The following LINGO2 variants were observed in gnomAD, a reference collection of about 807,000 sequenced individuals.
LINGO2 encodes the protein leucine rich repeat and Ig domain containing 2.
Under a neutral mutation model 30.6 loss-of-function variants are expected in LINGO2, and 14 were observed. The ratio of observed to expected loss-of-function variants is 0.46; its 90% CI spans 0.30 to 0.72. The LOEUF is 0.72. LINGO2 is among the 30% of genes least tolerant of loss of function. The pLI, the probability that LINGO2 is intolerant of heterozygous loss-of-function variation, is 0.07. For synonymous variants in LINGO2, 317 were observed against 288.5 expected, an observed-to-expected ratio of 1.10 and a Z score of -1.00; for missense variants, 729 against 751.7, an observed-to-expected ratio of 0.97 and a Z score of 0.35.
the LINGO2 span, among the ~76,000 whole-genome samples, chr9:28,699,336 A>G: frequency 6.6e-6 from 1 of 152,012 alleles, no homozygotes. Flanking sequence ...GCGGCAGAGG[A>G]ACATAAATTG....
downstream of LINGO2, among the ~76,000 whole-genome samples, chr9:27,945,892 A>G (rs1823346248): frequency 6.6e-6 from 1 of 152,280 alleles, no homozygotes; most frequent in Admixed American, 6.5e-5. Context: ...TGCTTCAGGC[A>G]AAAAGTAGCC....
chr9:28,049,161 T>C (rs144611725), intron 4 of LINGO2, among the ~76,000 whole-genome samples: 1 of 150,992 alleles, frequency 6.6e-6, no homozygotes, highest in East Asian at 2.0e-4. Flanking sequence ...CAATGCATCA[T>C]GGGACAACAT....
the LINGO2 span, among the ~76,000 whole-genome samples, chr9:28,908,023 C>T: frequency 6.6e-6 from 1 of 151,754 alleles, no homozygotes; most frequent in African/African-American, 2.4e-5. Context: ...CTCAGCATTA[C>T]TTAGTACTAA....
At chr9:29,154,693 C>T in the LINGO2 span, among the ~76,000 whole-genome samples, 1 of 152,120 alleles carries the variant, frequency 6.6e-6, no homozygotes, top group Non-Finnish European at 1.5e-5. Context: ...AATATACATG[C>T]ATTTTGTGCT....
intron 1 of LINGO2, among the ~76,000 whole-genome samples, chr9:28,575,142 G>A (rs752524032): frequency 5.3e-5 from 8 of 152,048 alleles, no homozygotes; most frequent in East Asian, 1.9e-4. Context: ...GGTGGCTCAC[G>A]CCTGTAATCC....
At chr9:28,261,228 T>C (rs1822554134) in intron 4 of LINGO2, among the ~76,000 whole-genome samples, 1 of 151,960 alleles carries the variant, frequency 6.6e-6, no homozygotes, top group Non-Finnish European at 1.5e-5. Context: ...GTCCTCTATA[T>C]TATGTAAAGA....
chr9:28,366,983 C>T (rs1039398137), intron 3 of LINGO2, among the ~76,000 whole-genome samples: 12 of 152,006 alleles, frequency 7.9e-5, no homozygotes, highest in African/African-American at 9.7e-5. Context: ...CTTCCTCCTC[C>T]TCCTTTTTAT....
the LINGO2 span, among the ~76,000 whole-genome samples, chr9:29,057,862 C>A: frequency 6.6e-6 from 1 of 152,180 alleles, no homozygotes; most frequent in African/African-American, 2.4e-5. Context: ...AAATCCAGGG[C>A]ATTCGGTAGA....
chr9:28,604,418 C>T (rs970254581), intron 1 of LINGO2, among the ~76,000 whole-genome samples: 5 of 151,920 alleles, frequency 3.3e-5, no homozygotes, highest in Admixed American at 6.6e-5. Context: ...TTTAGAAAGA[C>T]GAGTCTACTG....
chr9:27,967,811 A>G (rs1156817113), intron 5 of LINGO2, among the ~76,000 whole-genome samples: 3 of 152,196 alleles, frequency 2.0e-5, no homozygotes, highest in Non-Finnish European at 4.4e-5. Context: ...AGCTGCATCT[A>G]AAATTCCCAT....
chr9:28,465,975 G>T (rs1031333242), intron 2 of LINGO2, among the ~76,000 whole-genome samples: 1 of 152,050 alleles, frequency 6.6e-6, no homozygotes, highest in Non-Finnish European at 1.5e-5. Flanking sequence ...TGCTGATGAG[G>T]ATATGCAGAA....
chr9:29,145,268 A>C, the LINGO2 span, among the ~76,000 whole-genome samples: 1 of 152,176 alleles, frequency 6.6e-6, no homozygotes, highest in Non-Finnish European at 1.5e-5. Flanking sequence ...CCAGGTGTAG[A>C]GATGGAAGTC....
chr9:28,780,464 G>T, the LINGO2 span, among the ~76,000 whole-genome samples: 2 of 152,046 alleles, frequency 1.3e-5, no homozygotes, highest in Non-Finnish European at 2.9e-5. Flanking sequence ...TTAGCACTAT[G>T]TGGCTACTCC....
the LINGO2 span, among the ~76,000 whole-genome samples, chr9:29,058,532 T>C: frequency 6.6e-6 from 1 of 151,874 alleles, no homozygotes; most frequent in Admixed American, 6.6e-5. Context: ...GTGAGGTGGT[T>C]AGAAAAATAT....
chr9:28,055,668 T>C (rs934993031), intron 4 of LINGO2, among the ~76,000 whole-genome samples: 1 of 152,172 alleles, frequency 6.6e-6, no homozygotes, highest in African/African-American at 2.4e-5. Flanking sequence ...TTTGCTAGAT[T>C]GTCAAAAAAC....
At chr9:28,460,883 C>T (rs912816237) in intron 2 of LINGO2, among the ~76,000 whole-genome samples, 6 of 151,978 alleles carry the variant, frequency 3.9e-5, no homozygotes, top group Non-Finnish European at 8.8e-5. Context: ...TCAACTTCGT[C>T]ATACAAATAG....
At chr9:28,549,111 AT>A (rs1231397592) in intron 1 of LINGO2, among the ~76,000 whole-genome samples, 1 of 152,024 alleles carries the variant, frequency 6.6e-6, no homozygotes, top group Non-Finnish European at 1.5e-5. Context: ...TAAAACCATT[AT>A]TTTCTCTCTA....
chr9:28,992,158 A>C, the LINGO2 span, among the ~76,000 whole-genome samples: 1 of 151,986 alleles, frequency 6.6e-6, no homozygotes, highest in Non-Finnish European at 1.5e-5. Flanking sequence ...TCAAAATAAA[A>C]GGATGGAGGA....
At chr9:28,564,789 T>G (rs1278263363) in intron 1 of LINGO2, among the ~76,000 whole-genome samples, 1 of 152,114 alleles carries the variant, frequency 6.6e-6, no homozygotes, top group Non-Finnish European at 1.5e-5. Flanking sequence ...TCAGATAAAA[T>G]TAAAAATTCA....
Sources: allele counts gnomAD v4.1 joint callset (sites outside exome capture counted in the v4.1 genomes callset), GRCh38; gene constraint gnomAD v4.1.1; transcripts MANE v1.5; gene names NCBI Gene and HGNC (gene_info 2026-07-23, HGNC 2026-07-21).